PIAS1: variants seen among roughly 807,000 people sequenced by gnomAD.
The protein encoded by PIAS1 is protein inhibitor of activated STAT 1, also known as E3 SUMO-protein ligase PIAS1.
PIAS1 carries 6 observed loss-of-function variants against 71.3 expected under a neutral mutation model. That is an observed-to-expected ratio of 0.08 (90% CI 0.05 to 0.17). The LOEUF is 0.17. Among genes scored for constraint, PIAS1 ranks in the 10% least tolerant of loss-of-function variants. The pLI is 1.00. For missense variants in PIAS1, 555 were observed against 793.6 expected, an observed-to-expected ratio of 0.70 and a Z score of 3.61; for synonymous variants, 303 against 292.9, an observed-to-expected ratio of 1.03 and a Z score of -0.35.
At position 68,135,519 on chromosome 15, in the gene PIAS1, C is replaced by T. The variant is rs1473307550; in HGVS notation, c.470-6427C>T. Among the ~76,000 whole-genome samples, 262 of 40,892 alleles carry T rather than the reference C, an allele frequency of 6.4e-3. 100 individuals are homozygous for T. The highest frequency in any genetic ancestry group is 9.4e-3 in the Non-Finnish European group (104 of 11,070). The allele number at this position is 40,892 out of a possible 152,430, so 26.8% of individuals were successfully genotyped here. On this transcript the variant is annotated intron_variant, in intron 2 of 13. Transcript: ENST00000249636. ...TAACCCCCCCCACCTCCCTCCCGGA[C>T]GGGGCGGCTGGCCGGGCAGAGGGGC...
intron 2 of PIAS1, among the ~76,000 whole-genome samples, chr15:68,090,969 T>C (rs2140987307): frequency 6.6e-6 from 1 of 151,954 alleles, no homozygotes; most frequent in South Asian, 2.1e-4. Context: ...TGTGTATTTC[T>C]GGTTTCATTT....
chr15:68,055,182 C>T (rs1017813130), intron 1 of PIAS1: 2 of 984,618 alleles, frequency 2.0e-6, no homozygotes, highest in Non-Finnish European at 2.4e-6. Flanking sequence ...TGAGAGGAGC[C>T]TTTGGGGGTC....
At position 68,188,946 on chromosome 15, in the gene PIAS1, G is replaced by A. The variant is rs567763938; in HGVS notation, c.*1111G>A. ...ATCCTAAAAATAAATTGTTTGGAAAGTACAATGCACCACATTTTTGTAGAA... is the reference window on the plus strand; with the variant it reads ...ATCCTAAAAATAAATTGTTTGGAAAATACAATGCACCACATTTTTGTAGAA... On this transcript the variant is annotated 3_prime_UTR_variant, in exon 14 of 14. Transcript: ENST00000249636. The A allele has an allele frequency of 6.6e-6, 1 of 152,308 alleles. No individual in the cohort carries two copies. The highest frequency in any genetic ancestry group is 2.1e-4 in the South Asian group (1 of 4,830). The allele number at this position is 152,308 out of a possible 1,614,324, so 9.4% of individuals were successfully genotyped here. A position where few individuals can be genotyped will look rare whatever the true frequency, so the allele number is the denominator to read the frequency against.
intron 2 of PIAS1, among the ~76,000 whole-genome samples, chr15:68,138,356 C>T (rs1046793098): frequency 3.3e-5 from 5 of 152,100 alleles, no homozygotes; most frequent in South Asian, 4.1e-4. Flanking sequence ...AGGGTAATGT[C>T]CATGGCCCTG....
chr15:68,179,038 T>A (rs543472318), intron 11 of PIAS1, among the ~76,000 whole-genome samples: 2 of 152,276 alleles, frequency 1.3e-5, no homozygotes, highest in South Asian at 4.1e-4. Context: ...ACAAGAAACT[T>A]GAAAGTTTAC....
At chr15:68,155,201 C>T (rs59129517) in intron 7 of PIAS1, among the ~76,000 whole-genome samples, 1 of 152,090 alleles carries the variant, frequency 6.6e-6, no homozygotes, top group Non-Finnish European at 1.5e-5. Flanking sequence ...ATTTTATTTT[C>T]TCCGAGAAAC....
At chr15:68,059,089 C>T (rs2091929123) in intron 1 of PIAS1, among the ~76,000 whole-genome samples, 1 of 150,736 alleles carries the variant, frequency 6.6e-6, no homozygotes, top group East Asian at 2.0e-4. Flanking sequence ...ACTGCAAGCT[C>T]CGCCTCCCGG....
chr15:68,187,223 G>C lies in PIAS1; in HGVS notation c.1663-319G>C, dbSNP rs2093093696. On this transcript the variant is annotated intron_variant, in intron 13 of 13. Coordinates refer to ENST00000249636, the MANE Select transcript of PIAS1 (RefSeq NM_016166.3). This position sits in a 1 kb window ranked among gnomAD's most constrained non-coding sequence, Gnocchi z 5.3. The stretch of plus-strand genomic sequence containing the variant: ...CTCCTTACTAGCAAGAGCATGGACT[G>C]TCTGCCCCTCCTGCTGCTTCTGAGC... Among the ~76,000 whole-genome samples, 1 of 152,196 alleles carries C rather than the reference G, an allele frequency of 6.6e-6. No homozygotes were observed. The highest frequency in any genetic ancestry group is 6.5e-5 in the Admixed American group (1 of 15,280).
At chr15:68,074,226 G>A (rs1013391481) in intron 1 of PIAS1, among the ~76,000 whole-genome samples, 1 of 152,234 alleles carries the variant, frequency 6.6e-6, no homozygotes, top group Admixed American at 6.5e-5. Flanking sequence ...CACTCAGGAA[G>A]ACTGAGCTGA....
intron 11 of PIAS1, among the ~76,000 whole-genome samples, chr15:68,177,903 C>T (rs1030454110): frequency 5.9e-5 from 9 of 152,166 alleles, no homozygotes; most frequent in Admixed American, 3.9e-4. Flanking sequence ...AGAAGCTAAC[C>T]AGAAACTCTT....
rs189544886 is a variant in PIAS1, at chr15:68,175,527, G to A, written c.1170-110G>A. On this transcript the variant is annotated intron_variant, in intron 9 of 13. Transcript: ENST00000249636. ...TCTTACATAAATGTGACATAAATTA[G>A]GCAGCTATATTCCTAGTTAGTACTA... 157 of 402,288 alleles carry A rather than the reference G, an allele frequency of 3.9e-4. 3 individuals carry two copies. The Admixed American group carries it at 6.7e-3, about 17-fold the overall frequency. 24.9% of individuals were successfully genotyped at this position (402,288 alleles called of 1,614,324 possible).
intron 1 of PIAS1, among the ~76,000 whole-genome samples, chr15:68,067,836 C>T: frequency 6.6e-6 from 1 of 152,092 alleles, no homozygotes; most frequent in Admixed American, 6.5e-5. Context: ...TTGAGGCCTT[C>T]CTTTGTGCAC....
chr15:68,088,347 A>G lies in PIAS1; in HGVS notation c.469+1597A>G, dbSNP rs910278867. Among the ~76,000 whole-genome samples the G allele has an allele frequency of 2.0e-5, 3 of 151,630 alleles. No homozygotes were observed. The East Asian group carries it at 5.8e-4, about 29-fold the overall frequency. On this transcript the variant is annotated intron_variant, in intron 2 of 13. Transcript: ENST00000249636. ...GGGGCTTGCAGGAACCTAACCCTAT[A>G]CTTCCCCTGGTAGCAGTGATTATAT...
chr15:68,127,111 G>T (rs752806499), intron 2 of PIAS1, among the ~76,000 whole-genome samples: 1 of 151,456 alleles, frequency 6.6e-6, no homozygotes, highest in Non-Finnish European at 1.5e-5. Flanking sequence ...TGTTTAGTAG[G>T]GATGGGGTTT....
chr15:68,182,445 TG>T (rs2093059683), intron 12 of PIAS1, among the ~76,000 whole-genome samples: 9 of 145,940 alleles, frequency 6.2e-5, no homozygotes, highest in African/African-American at 2.3e-4. Context: ...TGTGTGTGTG[TG>T]TGTGTGTGTG....
At position 68,174,365 on chromosome 15, in the gene PIAS1, A is replaced by C. The variant is rs149319685; in HGVS notation, c.1169+473A>C. Reference sequence around the variant, plus strand: ...TTTTTCTTTTTTGTCTTGCCCACCTATAGCATCACAAAACCAATTATTGCT... The same window carrying C: ...TTTTTCTTTTTTGTCTTGCCCACCTCTAGCATCACAAAACCAATTATTGCT... On this transcript the variant is annotated intron_variant, in intron 9 of 13. Transcript: ENST00000249636. The surrounding 1 kb of genome is among the most constrained non-coding windows in gnomAD (Gnocchi z 4.0). Among the ~76,000 whole-genome samples the C allele has an allele frequency of 6.6e-6, 1 of 152,186 alleles. No homozygotes were observed. The highest frequency in any genetic ancestry group is 1.5e-5 in the Non-Finnish European group (1 of 68,036).
At chr15:68,143,878 T>C (rs1318422308) in intron 4 of PIAS1, among the ~76,000 whole-genome samples, 1 of 152,118 alleles carries the variant, frequency 6.6e-6, no homozygotes, top group Non-Finnish European at 1.5e-5. Context: ...TGTTTGACTC[T>C]GGGTTAATTT....
At chr15:68,059,647 G>T (rs1597110243) in intron 1 of PIAS1, among the ~76,000 whole-genome samples, 1 of 149,354 alleles carries the variant, frequency 6.7e-6, no homozygotes, top group Non-Finnish European at 1.5e-5. Context: ...GGAGGCAGAG[G>T]TTGCAGCGAG....
intron 1 of PIAS1, among the ~76,000 whole-genome samples, chr15:68,085,870 A>C (rs1324321258): frequency 6.6e-6 from 1 of 152,180 alleles, no homozygotes; most frequent in Non-Finnish European, 1.5e-5. Flanking sequence ...TTTGAGATGG[A>C]CTGTTTGTTG....
Sources: allele counts gnomAD v4.1 joint callset (sites outside exome capture counted in the v4.1 genomes callset), GRCh38; gene constraint gnomAD v4.1.1; non-coding constraint Gnocchi (gnomAD v3.1); transcripts MANE v1.5; gene names NCBI Gene and HGNC (gene_info 2026-07-23, HGNC 2026-07-21).